Variants in PSMF1 observed in about 807,000 individuals in gnomAD.
PSMF1 encodes the protein proteasome inhibitor PI31 subunit.
PSMF1 carries 30 observed loss-of-function variants against 29.3 expected under a neutral mutation model. That is an observed-to-expected ratio of 1.02 (90% CI 0.77 to 1.39). The LOEUF (loss-of-function observed/expected upper bound fraction) is 1.39, where lower values mean the gene tolerates loss of function less well. Ranked by LOEUF, PSMF1 falls within the 40% of genes most tolerant of loss-of-function variation. The pLI, the probability that PSMF1 is intolerant of heterozygous loss-of-function variation, is 0.00. For synonymous variants in PSMF1, 134 were observed against 139.7 expected (o/e 0.96, Z 0.29); for missense variants, 344 against 357.5 (o/e 0.96, Z 0.31).
chr20:1,133,569 A>ATATATATATATATATATATAT lies in PSMF1; in HGVS notation c.366-1551_366-1550insATATATATATATATATATATT. ...TCTATATATGTGTATATATATATAT[A>ATATATATATATATATATATAT]TTTTTTTTTTTTTTTTGGTGTAGTC... On this transcript the variant is annotated intron_variant, in intron 3 of 6. Transcript: ENST00000335877. Among the ~76,000 whole-genome samples the ATATATATATATATATATATAT allele has an allele frequency of 8.5e-3, 450 of 53,170 alleles. 4 individuals carry two copies. The highest frequency in any genetic ancestry group is 0.01 in the Non-Finnish European group (229 of 21,850). The allele number at this position is 53,170 out of a possible 152,430, so 34.9% of individuals were successfully genotyped here.
chr20:1,154,284 A>G (rs1455860724), intron 4 of PSMF1, among the ~76,000 whole-genome samples: 1 of 152,078 alleles, frequency 6.6e-6, no homozygotes, highest in African/African-American at 2.4e-5. Flanking sequence ...ATTTATGTAT[A>G]TTTTTTCTTT....
At chr20:1,125,937 AC>A in intron 2 of PSMF1, 1 of 555,204 alleles carries the variant, frequency 1.8e-6, no homozygotes, top group Non-Finnish European at 3.5e-6. Context: ...AACTTAGGTA[AC>A]CCCAATGGGC....
At position 1,168,597 on chromosome 20, in the gene PSMF1, A is replaced by G. The variant is rs988677932; in HGVS notation, c.*3517A>G. Among the ~76,000 whole-genome samples the G allele has an allele frequency of 1.3e-5, 2 of 152,200 alleles. No individual in the cohort carries two copies. Among genetic ancestry groups the G allele is most frequent in the Non-Finnish European group, 2.9e-5 (2 of 68,040 alleles). Reference sequence around the variant, plus strand: ...GAAACTCCAAGAATGTATTGTGCTCACAGTGGCGATGGTGTTCCTGTGCTG... The same window carrying G: ...GAAACTCCAAGAATGTATTGTGCTCGCAGTGGCGATGGTGTTCCTGTGCTG... On this transcript the variant is annotated 3_prime_UTR_variant, in exon 7 of 7. Transcript: ENST00000335877.
chr20:1,117,946 G>A (rs1352995678), upstream of PSMF1: 1 of 152,252 alleles, frequency 6.6e-6, no homozygotes, highest in African/African-American at 2.4e-5. Context: ...CAGCAGTTGT[G>A]TCTCCTTGGA....
At chr20:1,157,587 ATT>A (rs2086609696) in intron 4 of PSMF1, among the ~76,000 whole-genome samples, 2 of 115,076 alleles carry the variant, frequency 1.7e-5, no homozygotes, top group African/African-American at 7.3e-5. Flanking sequence ...TGCTTTCTTA[ATT>A]AAGTGTATGC....
At chr20:1,120,331 A>G (rs1403664197) in intron 1 of PSMF1, among the ~76,000 whole-genome samples, 1 of 152,184 alleles carries the variant, frequency 6.6e-6, no homozygotes, top group Non-Finnish European at 1.5e-5. Context: ...GAGGATGGAA[A>G]AGAACAGCTA....
chr20:1,143,031 T>C (rs2086403882), intron 4 of PSMF1, among the ~76,000 whole-genome samples: 2 of 152,220 alleles, frequency 1.3e-5, no homozygotes, highest in Admixed American at 6.5e-5. Flanking sequence ...AGACATAACA[T>C]ATTCATGGAT....
At chr20:1,157,638 A>G (rs2086610668) in intron 4 of PSMF1, among the ~76,000 whole-genome samples, 1 of 152,230 alleles carries the variant, frequency 6.6e-6, no homozygotes, top group South Asian at 2.1e-4. Context: ...GGAAATACTC[A>G]TGACAATTAC....
At position 1,170,641 on chromosome 20, in the gene PSMF1, C is replaced by G. The variant is rs6040277; in HGVS notation, c.*5561C>G. ...CGTGGTTACTCACAGCCCTCCCTTTCTCAGTGTGTGGCCTTCCTCATCCAC... is the reference window on the plus strand; with the variant it reads ...CGTGGTTACTCACAGCCCTCCCTTTGTCAGTGTGTGGCCTTCCTCATCCAC... On this transcript the variant is annotated 3_prime_UTR_variant, in exon 7 of 7. Transcript: ENST00000335877. Among the ~76,000 whole-genome samples the G allele has an allele frequency of 0.21, 31,382 of 152,002 alleles. 4,080 individuals carry two copies. Among genetic ancestry groups the G allele is most frequent in the African/African-American group, 0.36 (15,060 of 41,408 alleles).
At position 1,166,220 on chromosome 20, in the gene PSMF1, T is replaced by A. The variant is rs544799253; in HGVS notation, c.*1140T>A. ...CTGACCTTTGGTGTTCTCCGGATCCTTTTCAGCCCGAGGCCTGACAGACGC... is the reference window on the plus strand; with the variant it reads ...CTGACCTTTGGTGTTCTCCGGATCCATTTCAGCCCGAGGCCTGACAGACGC... On this transcript the variant is annotated 3_prime_UTR_variant, in exon 7 of 7. Coordinates refer to ENST00000335877, the MANE Select transcript of PSMF1 (RefSeq NM_006814.5). 6.8e-6 allele frequency: 11 copies of A among 1,611,882 alleles called. No individual in the cohort carries two copies. In the East Asian group the frequency reaches 2.0e-4, roughly 29 times the overall value.
At chr20:1,158,546 G>T (rs757437385) in intron 4 of PSMF1, among the ~76,000 whole-genome samples, 2 of 152,210 alleles carry the variant, frequency 1.3e-5, no homozygotes, top group African/African-American at 2.4e-5. Context: ...GTGTCAGCTG[G>T]ATTTGTGTGC....
chr20:1,162,638 A>C (rs1213056490), intron 4 of PSMF1, among the ~76,000 whole-genome samples: 1 of 152,214 alleles, frequency 6.6e-6, no homozygotes, highest in Admixed American at 6.5e-5. Context: ...ACAGATACAC[A>C]GTACATCTGT....
Position 1,171,512 on chromosome 20 carries a change from A to G in PSMF1, c.*6432A>G, listed in dbSNP as rs1489763063. ...CTTTCCCAAGGCCACACAGACCACAAATCCTGGCTCCAAGTCCAGGGCGTT... is the reference window on the plus strand; with the variant it reads ...CTTTCCCAAGGCCACACAGACCACAGATCCTGGCTCCAAGTCCAGGGCGTT... On this transcript the variant is annotated 3_prime_UTR_variant, in exon 7 of 7. Coordinates refer to ENST00000335877, the MANE Select transcript of PSMF1 (RefSeq NM_006814.5). Among the ~76,000 whole-genome samples the G allele has an allele frequency of 6.6e-6, 1 of 152,164 alleles. No homozygotes were observed. The highest frequency in any genetic ancestry group is 2.4e-5 in the African/African-American group (1 of 41,426).
At chr20:1,117,341 T>C (rs1380973108), upstream of PSMF1, among the ~76,000 whole-genome samples, 1 of 151,660 alleles carries the variant, frequency 6.6e-6, no homozygotes. Flanking sequence ...TTCTTTTTTT[T>C]TTTTTTTCTT....
At chr20:1,120,003 CAT>C (rs1366766188) in intron 1 of PSMF1, among the ~76,000 whole-genome samples, 6 of 152,090 alleles carry the variant, frequency 3.9e-5, no homozygotes, top group African/African-American at 1.4e-4. Flanking sequence ...CCCCTCCTGA[CAT>C]AGCTTTAGGG....
rs1382109402 is a variant in PSMF1, at chr20:1,168,166, G to C, written c.*3086G>C. 1 of 152,268 alleles carries C rather than the reference G, an allele frequency of 6.6e-6. No homozygotes were observed. 9.4% of individuals were successfully genotyped at this position (152,268 alleles called of 1,614,324 possible). Reference sequence around the variant, plus strand: ...CTGTGGTTTTGATAATCACCACCTTGGGATGAACATGGCTGGTGAGCTGCA... The same window carrying C: ...CTGTGGTTTTGATAATCACCACCTTCGGATGAACATGGCTGGTGAGCTGCA... On this transcript the variant is annotated 3_prime_UTR_variant, in exon 7 of 7. Coordinates refer to ENST00000335877, the MANE Select transcript of PSMF1 (RefSeq NM_006814.5).
rs765711831 is a variant in PSMF1 at position 1,164,990 on chromosome 20, T to C, written c.765-39T>C. 1.5e-5 allele frequency: 24 copies of C among 1,552,040 alleles called. No homozygotes were observed. The highest frequency in any genetic ancestry group is 2.1e-5 in the Non-Finnish European group (24 of 1,123,770). On this transcript the variant is annotated intron_variant, in intron 6 of 6. Transcript: ENST00000335877. The surrounding 1 kb of genome is among the most constrained non-coding windows in gnomAD (Gnocchi z 4.1). Reference sequence around the variant, plus strand: ...TGTCTGCCCATGTTCCCCTGGTCTCTCCATCACTCCAACTCATCAGCCCCT... The same window carrying C: ...TGTCTGCCCATGTTCCCCTGGTCTCCCCATCACTCCAACTCATCAGCCCCT...
At position 1,167,480 on chromosome 20, in the gene PSMF1, A is replaced by G. The variant is rs2086745129; in HGVS notation, c.*2400A>G. On this transcript the variant is annotated 3_prime_UTR_variant, in exon 7 of 7. Transcript: ENST00000335877. ...ATTCCTGAACATTTTCACCACCTCA[A>G]AAAGAAACCACACACCCATTGGCAT... The G allele has an allele frequency of 6.6e-6, 1 of 152,280 alleles. No homozygotes were observed. The highest frequency in any genetic ancestry group is 2.4e-5 in the African/African-American group (1 of 41,420). 9.4% of individuals were successfully genotyped at this position (152,280 alleles called of 1,614,324 possible).
chr20:1,166,290 G>A lies in PSMF1; in HGVS notation c.*1210G>A. The A allele has an allele frequency of 6.2e-7, 1 of 1,603,030 alleles. No homozygotes were observed. Among genetic ancestry groups the A allele is most frequent in the Non-Finnish European group, 8.5e-7 (1 of 1,172,000 alleles). On this transcript the variant is annotated 3_prime_UTR_variant, in exon 7 of 7. Coordinates refer to ENST00000335877, the MANE Select transcript of PSMF1 (RefSeq NM_006814.5). Reference sequence around the variant, plus strand: ...TCTGGAGTGGAAAGAGCACGATAGAGCACCAGGCTAAGAGGCACGAGATCA... The same window carrying A: ...TCTGGAGTGGAAAGAGCACGATAGAACACCAGGCTAAGAGGCACGAGATCA...
Sources: gnomAD v4.1 joint callset for allele counts (sites outside exome capture counted in the v4.1 genomes callset) on GRCh38, gnomAD v4.1.1 for gene constraint, Gnocchi (gnomAD v3.1) non-coding constraint, MANE v1.5 for transcripts, NCBI Gene and HGNC (gene_info 2026-07-23, HGNC 2026-07-21) for gene names.